VWCE: variants seen among roughly 807,000 people sequenced by gnomAD.
VWCE encodes the protein von Willebrand factor C and EGF domains.
VWCE carries 68 observed loss-of-function variants against 102.9 expected under a neutral mutation model. The ratio of observed to expected loss-of-function variants is 0.66; its 90% confidence interval spans 0.54 to 0.81. The LOEUF is 0.81. VWCE is among the 30% of genes least tolerant of loss of function. The probability of loss-of-function intolerance (pLI) is 0.00; values close to 1 mark genes in which losing one functional copy is unlikely to be tolerated. For missense variants in VWCE, 1,137 were observed against 1,263.6 expected (o/e 0.90, Z 1.52); for synonymous variants, 497 against 515.4 (o/e 0.96, Z 0.48).
intron 5 of VWCE, 113 bp downstream of exon 5, chr11:61,286,201 G>A (rs1406266797): frequency 9.7e-7 from 1 of 1,030,860 alleles, no homozygotes; most frequent in Non-Finnish European, 1.5e-6. Flanking sequence ...CGGTGGTGAA[G>A]GTTCAATGCA....
chr11:61,281,259 C>T, intron 7 of VWCE, 24 bp from the exon 8 acceptor site: 1 of 1,611,000 alleles, frequency 6.2e-7, no homozygotes, highest in South Asian at 1.1e-5. Context: ...ACGGAGGTCT[C>T]TTGGGGTGGA....
intron 4 of VWCE, among the ~76,000 whole-genome samples, chr11:61,289,733 A>G (rs1855440397): frequency 6.6e-6 from 1 of 152,184 alleles, no homozygotes; most frequent in African/African-American, 2.4e-5. Context: ...CCCAGGGAAA[A>G]GGGCAGGAAA....
rs371862216 is a variant in VWCE at position 61,271,657 on chromosome 11, G to A, written c.1785+18C>T. On this transcript the variant is annotated intron_variant, in intron 14 of 19. Transcript: ENST00000335613. The stretch of plus-strand genomic sequence containing the variant: ...GCAGCCAGGTAAAGCAGCTGAAGGC[G>A]AGCAGGTTGTCATTCACCTGGCAGA... 1.4e-5 allele frequency: 22 copies of A among 1,603,348 alleles called. No individual in the cohort carries two copies. The highest frequency in any genetic ancestry group is 4.0e-5 in the African/African-American group (3 of 74,776).
At chr11:61,263,271 C>T (rs1480939705) in intron 19 of VWCE, among the ~76,000 whole-genome samples, 7 of 149,632 alleles carry the variant, frequency 4.7e-5, no homozygotes, top group Admixed American at 2.0e-4. Flanking sequence ...CGCGCCACTG[C>T]ACTCCAGCCT....
intron 19 of VWCE, among the ~76,000 whole-genome samples, chr11:61,263,360 G>A (rs1331035895): frequency 4.0e-5 from 6 of 151,678 alleles, no homozygotes; most frequent in Non-Finnish European, 2.9e-5. Flanking sequence ...GAAACTGGAG[G>A]ACATTATGCT....
intron 19 of VWCE, among the ~76,000 whole-genome samples, chr11:61,262,240 C>A (rs917870812): frequency 6.6e-6 from 1 of 152,210 alleles, no homozygotes; most frequent in Non-Finnish European, 1.5e-5. Flanking sequence ...AGGCGTGAGC[C>A]ACCACGCCAG....
At position 61,264,942 on chromosome 11, in the gene VWCE, C is replaced by T. The variant is rs1357469785; in HGVS notation, c.2139+14G>A. On this transcript the variant is annotated intron_variant, in intron 18 of 19. Transcript: ENST00000335613. ...TCTGGCGGGGCCGCTCCTGGGTTCCCAGGCCCAGCTCACCTGGCACGTGCA... is the reference window on the plus strand; with the variant it reads ...TCTGGCGGGGCCGCTCCTGGGTTCCTAGGCCCAGCTCACCTGGCACGTGCA... 6.2e-6 allele frequency: 10 copies of T among 1,612,942 alleles called. No individual in the cohort carries two copies. The highest frequency in any genetic ancestry group is 1.3e-5 in the African/African-American group (1 of 75,054).
intron 19 of VWCE, 128 bp downstream of exon 19, chr11:61,264,359 G>T: frequency 1.1e-6 from 1 of 894,512 alleles, no homozygotes; most frequent in Non-Finnish European, 1.7e-6. Flanking sequence ...ACAACCTTGC[G>T]CGAGCCGTGT....
chr11:61,271,145 C>G (rs1169053716), intron 14 of VWCE: 1 of 156,784 alleles, frequency 6.4e-6, no homozygotes, highest in Admixed American at 6.1e-5. Context: ...GCCATACACA[C>G]TTTTTTTTTC....
At position 61,294,794 on chromosome 11, in the gene VWCE, C is replaced by T. The variant is rs1381403334; in HGVS notation, c.110+134G>A. The T allele has an allele frequency of 5.7e-6, 3 of 523,590 alleles. No individual in the cohort carries two copies. The highest frequency in any genetic ancestry group is 9.2e-6 in the Non-Finnish European group (3 of 324,992). The allele number at this position is 523,590 out of a possible 1,614,324, so 32.4% of individuals were successfully genotyped here. ...CTTTGTGCCGTCCCCGAGCTGTGCC[C>T]GCGCTGATAGCACCCCAGAGGAAGC... On this transcript the variant is annotated intron_variant, in intron 1 of 19. Transcript: ENST00000335613. This position sits in a 1 kb window ranked among gnomAD's most constrained non-coding sequence, Gnocchi z 6.3.
intron 14 of VWCE, 137 bp downstream of exon 14, chr11:61,271,538 A>C (rs1404033063): frequency 2.7e-6 from 2 of 750,658 alleles, no homozygotes; most frequent in Non-Finnish European, 4.5e-6. Context: ...CTTTTTGTGA[A>C]AGTGGAACTT....
Position 61,280,679 on chromosome 11 carries a change from A to G in VWCE, c.1269T>C (p.Ala423=), listed in dbSNP as rs1855093219. 1 of 1,613,924 alleles carries G rather than the reference A, an allele frequency of 6.2e-7. No individual in the cohort carries two copies. The highest frequency in any genetic ancestry group is 8.5e-7 in the Non-Finnish European group (1 of 1,180,026). ...KVTCEKVRCE[A]ACSHPIPSRD... is the part of the protein sequence containing the mutation. ...TGGAGGGAATTGGGTGGGAACAAGC[A>G]GCTTCACACCTCACCTTTTCACAGG... is the stretch of plus-strand genomic sequence containing the variant. Residue 423 remains alanine, a synonymous_variant, in exon 9 of 20, where the codon GCT becomes GCC. Coordinates refer to ENST00000335613, the MANE Select transcript of VWCE (RefSeq NM_152718.2).
chr11:61,269,077 G>A (rs917231711), intron 14 of VWCE, 59 bp from the exon 15 acceptor site: 20 of 1,526,206 alleles, frequency 1.3e-5, no homozygotes, highest in South Asian at 3.5e-5. Context: ...CTGCCTCCCC[G>A]CCCTGCAAAA....
chr11:61,282,981 C>G, intron 5 of VWCE, 76 bp from the exon 6 acceptor site: 1 of 1,257,576 alleles, frequency 8.0e-7, no homozygotes, highest in South Asian at 1.2e-5. Flanking sequence ...CTCTTCCTCC[C>G]TCATCTCCAT....
chr11:61,268,832 A>G, intron 15 of VWCE, 90 bp downstream of exon 15: 1 of 1,339,790 alleles, frequency 7.5e-7, no homozygotes, highest in Non-Finnish European at 1.1e-6. Flanking sequence ...GGTTGTTAGG[A>G]CGACATGAGA....
intron 16 of VWCE, 59 bp from the exon 17 acceptor site, chr11:61,265,271 G>A (rs1361210698): frequency 2.7e-5 from 37 of 1,389,070 alleles, no homozygotes; most frequent in Non-Finnish European, 3.4e-5. Context: ...AAGACACTCA[G>A]GAAGATGCCG....
chr11:61,290,728 TG>T, intron 4 of VWCE, 70 bp downstream of exon 4: 1 of 1,532,284 alleles, frequency 6.5e-7, no homozygotes, highest in Admixed American at 1.8e-5. Flanking sequence ...GAGACCATCC[TG>T]GCAGGAGGGG....
At chr11:61,271,861 A>T in intron 13 of VWCE, 101 bp from the exon 14 acceptor site, 1 of 1,007,946 alleles carries the variant, frequency 9.9e-7, no homozygotes, top group South Asian at 1.4e-5. Context: ...AGACACCGAT[A>T]TCACTCACAC....
intron 5 of VWCE, among the ~76,000 whole-genome samples, chr11:61,284,958 A>AG (rs2134831003): frequency 6.6e-6 from 1 of 152,140 alleles, no homozygotes; most frequent in African/African-American, 2.4e-5. Context: ...TGTCAAAAAA[A>AG]AAAAAGAAGA....
Sources: allele counts gnomAD v4.1 joint callset (sites outside exome capture counted in the v4.1 genomes callset), GRCh38; gene constraint gnomAD v4.1.1; non-coding constraint Gnocchi (gnomAD v3.1); transcripts MANE v1.5; gene names NCBI Gene and HGNC (gene_info 2026-07-23, HGNC 2026-07-21).